The following MTG1 variants were observed in gnomAD, a reference collection of about 807,000 sequenced individuals.
The protein encoded by MTG1 is mitochondrial ribosome associated GTPase 1.
In MTG1, 30 loss-of-function variants were observed where a neutral mutation model predicts 39.5. That is an observed-to-expected ratio of 0.76 (90% CI 0.57 to 1.03). MTG1 has a LOEUF of 1.03. Among genes scored for constraint, MTG1 ranks in the 50% least tolerant of loss-of-function variants. MTG1 has a pLI of 0.00. For synonymous variants in MTG1, 217 were observed against 179.0 expected (o/e 1.21, Z -1.69); for missense variants, 513 against 447.4 (o/e 1.15, Z -1.32).
Position 133,398,476 on chromosome 10 carries a change from C to T in MTG1, c.324C>T (p.Val108=), listed in dbSNP as rs1849821130. The stretch of plus-strand genomic sequence containing the variant: ...TAGAAGGAGAAGGCCTAAAAAATGT[C>T]ATTTTTACCAACTGTGTAAAGGATG... ...QHLEGEGLKN[V]IFTNCVKDEN... The change falls in exon 4 of 11, where the codon GTC becomes GTT. Residue 108 remains valine (V), a synonymous_variant. Coordinates refer to ENST00000317502, the MANE Select transcript of MTG1 (RefSeq NM_138384.4). 3 of 1,613,872 alleles carry T rather than the reference C, an allele frequency of 1.9e-6. No individual in the cohort carries two copies. Among genetic ancestry groups the T allele is most frequent in the African/African-American group, 2.7e-5 (2 of 75,018 alleles).
chr10:133,399,467 T>TGCA, intron 5 of MTG1, 62 bp from the exon 6 acceptor site: 1 of 1,532,902 alleles, frequency 6.5e-7, no homozygotes, highest in Admixed American at 1.7e-5. Flanking sequence ...TGGGTGGGGT[T>TGCA]GCAGAGTCTC....
At position 133,420,171 on chromosome 10, in the gene MTG1, T is replaced by A. The variant is rs59554799; in HGVS notation, c.*6T>A. 491 of 1,605,664 alleles carry A rather than the reference T, an allele frequency of 3.1e-4. 1 individual carries two copies. In the African/African-American group the frequency reaches 6.0e-3, roughly 20 times the overall value. Reference sequence around the variant, plus strand: ...CGGCTGAGACTTTGCCCTGAACTTGTCCGGGTAGGGAGGGCCGGAGGCATG... The same window carrying A: ...CGGCTGAGACTTTGCCCTGAACTTGACCGGGTAGGGAGGGCCGGAGGCATG... On this transcript the variant is annotated 3_prime_UTR_variant, in exon 11 of 11. Transcript: ENST00000317502.
Position 133,402,827 on chromosome 10 carries a change from TA to T in MTG1, c.752+66del, listed in dbSNP as rs34193468. On this transcript the variant is annotated intron_variant, in intron 9 of 10. Coordinates refer to ENST00000317502, the MANE Select transcript of MTG1 (RefSeq NM_138384.4). The surrounding 1 kb of genome is among the most constrained non-coding windows in gnomAD (Gnocchi z 4.7). ...GGCCCCTCCTCCTAGTCACCTCATTTAAAAAAAAAAAACAAACAAAAAAACC... is the reference window on the plus strand; with the variant it reads ...GGCCCCTCCTCCTAGTCACCTCATTTAAAAAAAAAAACAAACAAAAAAACC... 0.098 allele frequency: 91,332 copies of T among 930,248 alleles called. 1,820 individuals are homozygous for T. The highest frequency in any genetic ancestry group is 0.27 in the African/African-American group (15,659 of 58,126). 57.6% of individuals were successfully genotyped at this position (930,248 alleles called of 1,614,324 possible).
rs1850210605 is a variant in MTG1 at position 133,420,242 on chromosome 10, C to T, written c.*77C>T. 3 of 1,484,266 alleles carry T rather than the reference C, an allele frequency of 2.0e-6. No individual in the cohort carries two copies. Among genetic ancestry groups the T allele is most frequent in the South Asian group, 1.3e-5 (1 of 75,814 alleles). 91.9% of individuals were successfully genotyped at this position (1,484,266 alleles called of 1,614,324 possible). On this transcript the variant is annotated 3_prime_UTR_variant, in exon 11 of 11. Coordinates refer to ENST00000317502, the MANE Select transcript of MTG1 (RefSeq NM_138384.4). Reference sequence around the variant, plus strand: ...CCTGGGTGGTTGAGGCTCAAGACAGCTCACCCGGTCCAGAAGCTCCATGCT... The same window carrying T: ...CCTGGGTGGTTGAGGCTCAAGACAGTTCACCCGGTCCAGAAGCTCCATGCT...
chr10:133,402,371 G>A lies in MTG1; in HGVS notation c.670+126G>A, dbSNP rs1849895185. ...ACTGCCTTTGACCTGGTTGCTGCCA[G>A]ACCTTCCTCGAAGCTTAGTGTGAGA... On this transcript the variant is annotated intron_variant, in intron 8 of 10. Transcript: ENST00000317502. The surrounding 1 kb of genome is among the most constrained non-coding windows in gnomAD (Gnocchi z 4.7). 9.1e-7 allele frequency: 1 copy of A among 1,098,360 alleles called. No homozygotes were observed. Among genetic ancestry groups the A allele is most frequent in the East Asian group, 2.4e-5 (1 of 41,016 alleles). 68.0% of individuals were successfully genotyped at this position (1,098,360 alleles called of 1,614,324 possible). A position where few individuals can be genotyped will look rare whatever the true frequency, so the allele number is the denominator to read the frequency against.
intron 6 of MTG1, 84 bp downstream of exon 6, chr10:133,399,703 G>T: frequency 7.0e-7 from 1 of 1,419,172 alleles, no homozygotes; most frequent in Non-Finnish European, 9.9e-7. Context: ...TTCTTGGAGG[G>T]GACGTGCCCG....
intron 9 of MTG1, among the ~76,000 whole-genome samples, chr10:133,419,044 G>C (rs117304852): frequency 6.6e-6 from 1 of 152,212 alleles, no homozygotes; most frequent in Admixed American, 6.5e-5. Flanking sequence ...GGAAGTTACC[G>C]AGTGCCATCC....
Position 133,395,866 on chromosome 10 carries a change from T to G in MTG1, c.177+89T>G, listed in dbSNP as rs545953666. ...TGGGGAGGCTTTTAAAAATATGAAT[T>G]GCGAGGCCCCTTTCTAGACCAGTTA... On this transcript the variant is annotated intron_variant, in intron 2 of 10. Transcript: ENST00000317502. 4 of 1,346,228 alleles carry G rather than the reference T, an allele frequency of 3.0e-6. No homozygotes were observed. In the East Asian group the frequency reaches 9.7e-5, roughly 33 times the overall value. 83.4% of individuals were successfully genotyped at this position (1,346,228 alleles called of 1,614,324 possible).
At chr10:133,401,734 G>T in intron 7 of MTG1, 144 bp downstream of exon 7, 1 of 789,088 alleles carries the variant, frequency 1.3e-6, no homozygotes, top group Non-Finnish European at 2.2e-6. Context: ...CCCGGGGCAG[G>T]CACTGCCCCT....
intron 9 of MTG1, among the ~76,000 whole-genome samples, chr10:133,406,789 C>G (rs1849976674): frequency 6.6e-6 from 1 of 151,792 alleles, no homozygotes; most frequent in African/African-American, 2.4e-5. Flanking sequence ...CTCAGCCTCC[C>G]AAGTAGCTGG....
intron 7 of MTG1, chr10:133,401,909 C>T (rs972172675): frequency 3.3e-5 from 18 of 549,896 alleles, no homozygotes; most frequent in African/African-American, 3.0e-4. Flanking sequence ...TCCTTGTGTT[C>T]TCCTTGGGAG....
intron 5 of MTG1, 104 bp downstream of exon 5, chr10:133,399,330 G>A: frequency 7.2e-7 from 1 of 1,395,560 alleles, no homozygotes; most frequent in Non-Finnish European, 1.0e-6. Flanking sequence ...CCCAGGCAGG[G>A]AGGCCCCTCC....
Position 133,402,241 on chromosome 10 carries a change from G to C in MTG1, c.666G>C (p.Leu222=). The C allele has an allele frequency of 6.2e-7, 1 of 1,608,900 alleles. No homozygotes were observed. ...ESVETGLKLA[L]CGTVLDHLVG... ...TGGAGACAGGCCTGAAGCTGGCCCT[G>C]TGTGGTGAGCCGGGGCTGGGGCTGG... The change falls in exon 8 of 11, where the codon CTG becomes CTC. Residue 222 remains leucine, a synonymous_variant. Coordinates refer to ENST00000317502, the MANE Select transcript of MTG1 (RefSeq NM_138384.4). The surrounding 1 kb of genome is among the most constrained non-coding windows in gnomAD (Gnocchi z 4.7).
rs545947982 is a variant in MTG1 at position 133,404,059 on chromosome 10, T to C, written c.752+1286T>C. 8.2e-4 allele frequency among the ~76,000 whole-genome samples: 104 copies of C among 126,754 alleles called. No individual in the cohort carries two copies. In the Middle Eastern group the frequency reaches 0.012, roughly 14 times the overall value. The allele number at this position is 126,754 out of a possible 152,430, so 83.2% of individuals were successfully genotyped here. A position where few individuals can be genotyped will look rare whatever the true frequency, so the allele number is the denominator to read the frequency against. On this transcript the variant is annotated intron_variant, in intron 9 of 10. Coordinates refer to ENST00000317502, the MANE Select transcript of MTG1 (RefSeq NM_138384.4). ...TTTGTCATCCCTCTCTGGGGAAATG[T>C]CTGTTCAAATCCTTTTCCCTTTTTT...
intron 4 of MTG1, 30 bp from the exon 5 acceptor site, chr10:133,399,140 G>C: frequency 1.2e-6 from 2 of 1,614,080 alleles, no homozygotes; most frequent in Non-Finnish European, 1.7e-6. Flanking sequence ...TCCGACCTGG[G>C]GTGGCTCCAT....
intron 1 of MTG1, chr10:133,394,694 T>G: frequency 1.8e-6 from 2 of 1,088,758 alleles, no homozygotes; most frequent in African/African-American, 3.3e-5. Flanking sequence ...CAAGATAGAC[T>G]TTTCTGAGTC....
Position 133,397,201 on chromosome 10 carries a change from A to G in MTG1, c.282+934A>G, listed in dbSNP as rs138091017. On this transcript the variant is annotated intron_variant, in intron 3 of 10. Transcript: ENST00000317502. ...TTAGTGAAAGTACCGAAAGTCTCTGATAAGCAGAAATAATGGCGTAAGCTG... is the reference window on the plus strand; with the variant it reads ...TTAGTGAAAGTACCGAAAGTCTCTGGTAAGCAGAAATAATGGCGTAAGCTG... Among the ~76,000 whole-genome samples the G allele has an allele frequency of 3.9e-5, 6 of 152,334 alleles. No homozygotes were observed. In the East Asian group the frequency reaches 1.2e-3, roughly 29 times the overall value.
At chr10:133,419,941 C>G in intron 10 of MTG1, 85 bp from the exon 11 acceptor site, 1 of 1,475,378 alleles carries the variant, frequency 6.8e-7, no homozygotes, top group East Asian at 2.3e-5. Context: ...CATGGAGCCT[C>G]TTAGGGCTGG....
chr10:133,418,899 C>CA (rs1850178302), intron 9 of MTG1, among the ~76,000 whole-genome samples: 1 of 152,196 alleles, frequency 6.6e-6, no homozygotes, highest in South Asian at 2.1e-4. Flanking sequence ...TGTGAGGAGT[C>CA]AGAGTGCCCG....
Sources: gnomAD v4.1 joint callset for allele counts (sites outside exome capture counted in the v4.1 genomes callset) on GRCh38, gnomAD v4.1.1 for gene constraint, Gnocchi (gnomAD v3.1) non-coding constraint, MANE v1.5 for transcripts, NCBI Gene and HGNC (gene_info 2026-07-23, HGNC 2026-07-21) for gene names.